Variants in MTAP observed in about 807,000 individuals in gnomAD.
The protein encoded by MTAP is S-methyl-5'-thioadenosine phosphorylase.
A neutral mutation model predicts 33.6 loss-of-function variants in MTAP; 33 were observed. The ratio of observed to expected loss-of-function variants is 0.98; its 90% confidence interval spans 0.74 to 1.31. The LOEUF is 1.31. Among genes scored for constraint, MTAP ranks in the 40% most tolerant of loss-of-function variants. The pLI is 0.00. For missense variants in MTAP, 367 were observed against 360.0 expected, an observed-to-expected ratio of 1.02 and a Z score of -0.16; for synonymous variants, 148 against 125.7, an observed-to-expected ratio of 1.18 and a Z score of -1.19.
At chr9:21,827,262 C>T (rs1369836524) in intron 4 of MTAP, among the ~76,000 whole-genome samples, 4 of 152,152 alleles carry the variant, frequency 2.6e-5, no homozygotes, top group Non-Finnish European at 5.9e-5. Flanking sequence ...AATCACCCTG[C>T]CTACCACCTC....
At chr9:21,852,753 A>G (rs981761919) in intron 5 of MTAP, among the ~76,000 whole-genome samples, 1 of 151,556 alleles carries the variant, frequency 6.6e-6, no homozygotes, top group Admixed American at 6.6e-5. Flanking sequence ...TTGGGAAGGG[A>G]CAGTGGTTTT....
In MTAP at chr9:21,838,024, C is replaced by T; in HGVS notation, c.450+14C>T. 6.2e-7 allele frequency: 1 copy of T among 1,606,010 alleles called. No homozygotes were observed. The highest frequency in any genetic ancestry group is 8.5e-7 in the Non-Finnish European group (1 of 1,172,728). ...AAAACGAGAGAGGTGTGTAGTCTTT[C>T]TGGAAGGTGTACCAGAATAAATCAT... On this transcript the variant is annotated intron_variant, in intron 5 of 7. Coordinates refer to ENST00000644715, the MANE Select transcript of MTAP (RefSeq NM_002451.4).
chr9:21,934,420 A>C (rs1819009586), downstream of MTAP: 1 of 152,208 alleles, frequency 6.6e-6, no homozygotes, highest in Non-Finnish European at 1.5e-5. This position sits in a 1 kb window ranked among gnomAD's most constrained non-coding sequence, Gnocchi z 5.0. Context: ...ATCTTCAGTA[A>C]ATAAAAATTT....
intron 1 of MTAP, among the ~76,000 whole-genome samples, chr9:21,807,302 G>A (rs1306134757): frequency 2.0e-5 from 3 of 152,180 alleles, no homozygotes; most frequent in Non-Finnish European, 4.4e-5. Context: ...TTTGTAGACT[G>A]TGGAATATGG....
chr9:21,880,665 G>A (rs1005263733), intron 1 of MTAP, among the ~76,000 whole-genome samples: 7 of 151,808 alleles, frequency 4.6e-5, no homozygotes, highest in African/African-American at 1.7e-4. Flanking sequence ...ATTATAAAAA[G>A]GAATACAATA....
chr9:21,825,833 C>G (rs1481223456), intron 4 of MTAP, among the ~76,000 whole-genome samples: 1 of 152,090 alleles, frequency 6.6e-6, no homozygotes, highest in Admixed American at 6.6e-5. Context: ...AGCAAAAAAG[C>G]CATTCAGGTG....
At chr9:21,918,707 G>A (rs1266625224) in intron 1 of MTAP, among the ~76,000 whole-genome samples, 2 of 152,138 alleles carry the variant, frequency 1.3e-5, no homozygotes, top group Non-Finnish European at 2.9e-5. Flanking sequence ...TCTCGTGATA[G>A]TGAATAAATC....
chr9:21,821,941 T>C (rs1824652908), intron 4 of MTAP, among the ~76,000 whole-genome samples: 1 of 152,246 alleles, frequency 6.6e-6, no homozygotes, highest in South Asian at 2.1e-4. Flanking sequence ...TATGCTCTGA[T>C]GGTAGTTTGT....
Position 21,862,915 on chromosome 9 carries a change from T to C in MTAP, c.*901T>C, listed in dbSNP as rs1825783000. 1 of 966,454 alleles carries C rather than the reference T, an allele frequency of 1.0e-6. No homozygotes were observed. The highest frequency in any genetic ancestry group is 1.8e-5 in the African/African-American group (1 of 56,810). The allele number at this position is 966,454 out of a possible 1,614,324, so 59.9% of individuals were successfully genotyped here. A position where few individuals can be genotyped will look rare whatever the true frequency, so the allele number is the denominator to read the frequency against. Reference sequence around the variant, plus strand: ...CAGTGAATTTAATCAAATAGTAAAGTTGTTGTAAAAATAAAAGTGGATTTA... The same window carrying C: ...CAGTGAATTTAATCAAATAGTAAAGCTGTTGTAAAAATAAAAGTGGATTTA... On this transcript the variant is annotated 3_prime_UTR_variant, in exon 8 of 8. Transcript: ENST00000644715.
chr9:21,932,132 C>A (rs1818970582), downstream of MTAP: 1 of 152,154 alleles, frequency 6.6e-6, no homozygotes, highest in African/African-American at 2.4e-5. Flanking sequence ...CAATTGAAAC[C>A]ACCTTTGCAA....
rs116993663 is a variant in MTAP, at chr9:21,920,739, T to A, written c.148-10269T>A. 2.2e-4 allele frequency among the ~76,000 whole-genome samples: 33 copies of A among 152,346 alleles called. No individual in the cohort carries two copies. In the East Asian group the frequency reaches 6.0e-3, roughly 28 times the overall value. On this transcript the variant is annotated intron_variant, in intron 1 of 1. Transcript: ENST00000577563. ...GGAAGCCAGAAATTGTGTATTAATC[T>A]GGAAATATTTATCCCTTGGATAAAT...
intron 1 of MTAP, among the ~76,000 whole-genome samples, chr9:21,806,096 G>C (rs144917809): frequency 6.6e-6 from 1 of 152,308 alleles, no homozygotes; most frequent in East Asian, 1.9e-4. Context: ...GAAGGGTTAA[G>C]AGTGGGAGGC....
intron 5 of MTAP, among the ~76,000 whole-genome samples, chr9:21,844,805 C>T (rs534929300): frequency 5.9e-5 from 9 of 152,096 alleles, no homozygotes; most frequent in Non-Finnish European, 7.4e-5. Flanking sequence ...GAGGCCAAGG[C>T]GGGCGGATCA....
chr9:21,864,296 G>T lies in MTAP; in HGVS notation c.*2282G>T, dbSNP rs1587259793. The T allele has an allele frequency of 1.0e-6, 1 of 985,062 alleles. No individual in the cohort carries two copies. The highest frequency in any genetic ancestry group is 1.7e-5 in the African/African-American group (1 of 57,232). 61.0% of individuals were successfully genotyped at this position (985,062 alleles called of 1,614,324 possible). A position where few individuals can be genotyped will look rare whatever the true frequency, so the allele number is the denominator to read the frequency against. ...AATTTTCCTCATACCTTATGCTTGA[G>T]GATATTGTTGAAGAACACTTCCTGG... is the stretch of plus-strand genomic sequence containing the variant. On this transcript the variant is annotated 3_prime_UTR_variant, in exon 8 of 8. Coordinates refer to ENST00000644715, the MANE Select transcript of MTAP (RefSeq NM_002451.4).
At chr9:21,844,253 A>C (rs1247366527) in intron 5 of MTAP, among the ~76,000 whole-genome samples, 1 of 152,184 alleles carries the variant, frequency 6.6e-6, no homozygotes, top group African/African-American at 2.4e-5. Context: ...ATTGCCAACA[A>C]AGAAAACATC....
intron 4 of MTAP, among the ~76,000 whole-genome samples, chr9:21,824,241 C>G (rs1434321649): frequency 6.6e-6 from 1 of 152,028 alleles, no homozygotes; most frequent in Non-Finnish European, 1.5e-5. Flanking sequence ...TTTTATCTAC[C>G]TTTGGTCTTT....
chr9:21,807,252 T>G (rs1355439937), intron 1 of MTAP, among the ~76,000 whole-genome samples: 2 of 152,176 alleles, frequency 1.3e-5, no homozygotes, highest in African/African-American at 4.8e-5. Flanking sequence ...GGTAGTGAGC[T>G]ATCAACATAA....
At chr9:21,899,188 A>T (rs1033625537) in intron 1 of MTAP, among the ~76,000 whole-genome samples, 2 of 133,310 alleles carry the variant, frequency 1.5e-5, no homozygotes, top group African/African-American at 5.7e-5. Context: ...AATAATGAGA[A>T]CACCTGGACA....
intron 1 of MTAP, among the ~76,000 whole-genome samples, chr9:21,897,343 C>A (rs1490754285): frequency 6.6e-6 from 1 of 152,132 alleles, no homozygotes; most frequent in Non-Finnish European, 1.5e-5. Context: ...CCCTCTCCCA[C>A]CACCCCTATT....
Sources: gnomAD v4.1 joint callset for allele counts (sites outside exome capture counted in the v4.1 genomes callset) on GRCh38, gnomAD v4.1.1 for gene constraint, Gnocchi (gnomAD v3.1) non-coding constraint, MANE v1.5 for transcripts, NCBI Gene and HGNC (gene_info 2026-07-23, HGNC 2026-07-21) for gene names.